GRIP1: variants seen among roughly 807,000 people sequenced by gnomAD.
GRIP1 encodes glutamate receptor interacting protein 1.
Under a neutral mutation model 129.9 loss-of-function variants are expected in GRIP1, and 45 were observed. The observed-to-expected ratio is 0.35, with a 90% CI of 0.27 to 0.44. GRIP1 has a LOEUF of 0.44. Ranked by LOEUF, GRIP1 falls within the 20% of genes least tolerant of loss-of-function variation. The pLI, the probability that GRIP1 is intolerant of heterozygous loss-of-function variation, is 1.00. For synonymous variants in GRIP1, 530 were observed against 520.8 expected, an observed-to-expected ratio of 1.02 and a Z score of -0.24; for missense variants, 1,196 against 1,396.8, an observed-to-expected ratio of 0.86 and a Z score of 2.29.
At chr12:66,597,672 G>A (rs190675198) in intron 1 of GRIP1, among the ~76,000 whole-genome samples, 12 of 152,312 alleles carry the variant, frequency 7.9e-5, no homozygotes, top group African/African-American at 2.9e-4. Context: ...ATGTATGTGT[G>A]AGAGTTAGGT....
intron 1 of GRIP1, among the ~76,000 whole-genome samples, chr12:66,907,473 TAC>T (rs757954742): frequency 8.2e-4 from 125 of 152,300 alleles, no homozygotes; most frequent in Admixed American, 2.4e-3. Context: ...AGGACTGGGT[TAC>T]ATTCAGCAAA....
chr12:66,931,899 T>C (rs2041401987), intron 1 of GRIP1, among the ~76,000 whole-genome samples: 1 of 152,220 alleles, frequency 6.6e-6, no homozygotes, highest in African/African-American at 2.4e-5. Flanking sequence ...CTATGGGTTA[T>C]GTGCCAATTT....
chr12:66,372,272 C>T (rs528172423), intron 22 of GRIP1: 2 of 375,554 alleles, frequency 5.3e-6, no homozygotes, highest in East Asian at 1.3e-4. Context: ...TGGGCTCTAA[C>T]AGATGGGATT....
At chr12:66,772,097 T>C (rs915211220) in intron 1 of GRIP1, among the ~76,000 whole-genome samples, 1 of 152,202 alleles carries the variant, frequency 6.6e-6, no homozygotes, top group Admixed American at 6.5e-5. Context: ...CCCCATGAGA[T>C]AGGTAAGATA....
At chr12:66,472,071 C>T (rs2059454408) in intron 7 of GRIP1, among the ~76,000 whole-genome samples, 1 of 152,188 alleles carries the variant, frequency 6.6e-6, no homozygotes, top group Admixed American at 6.5e-5. Flanking sequence ...GATCCATATG[C>T]TTTGGGCATC....
At chr12:66,804,217 G>A (rs774635156), upstream of GRIP1, 31 of 438,660 alleles carry the variant, frequency 7.1e-5, no homozygotes, top group South Asian at 4.7e-4. Context: ...GGCACAGCTA[G>A]CACAAGAGCA....
At chr12:66,804,297 G>T (rs534490425), upstream of GRIP1, 3 of 292,140 alleles carry the variant, frequency 1.0e-5, no homozygotes, top group South Asian at 9.2e-5. Context: ...GACCAGGACA[G>T]CTACCCTTCT....
At chr12:66,618,516 AATCT>A (rs1175354624) in intron 1 of GRIP1, among the ~76,000 whole-genome samples, 3 of 152,112 alleles carry the variant, frequency 2.0e-5, no homozygotes, top group African/African-American at 4.8e-5. Context: ...ACCTGCTTTG[AATCT>A]ATCTATTAAA....
intron 1 of GRIP1, among the ~76,000 whole-genome samples, chr12:66,743,321 C>G (rs1306557186): frequency 2.6e-5 from 4 of 152,030 alleles, no homozygotes; most frequent in South Asian, 4.2e-4. Flanking sequence ...CAACCTCCCC[C>G]AAAGTGGAAG....
At chr12:66,604,524 T>C (rs928423922) in intron 1 of GRIP1, among the ~76,000 whole-genome samples, 16 of 152,212 alleles carry the variant, frequency 1.1e-4, no homozygotes, top group Admixed American at 3.3e-4. Context: ...CCATATCAGA[T>C]CCCAATTAAA....
At chr12:66,598,709 T>A (rs2064155002) in intron 1 of GRIP1, among the ~76,000 whole-genome samples, 2 of 152,210 alleles carry the variant, frequency 1.3e-5, no homozygotes, top group South Asian at 4.1e-4. Flanking sequence ...AAAAATGTAT[T>A]TCCTTTCATT....
At chr12:66,804,030 G>A (rs564934473) in intron 1 of GRIP1, 4 of 439,328 alleles carry the variant, frequency 9.1e-6, no homozygotes, top group East Asian at 7.1e-5. Flanking sequence ...AGAAGGAACC[G>A]GAGGATGGAG....
chr12:66,997,987 T>C (rs1245405523), intron 1 of GRIP1, among the ~76,000 whole-genome samples: 1 of 152,180 alleles, frequency 6.6e-6, no homozygotes, highest in Non-Finnish European at 1.5e-5. Flanking sequence ...ATATCCATAA[T>C]TTGCAAAATT....
At chr12:67,051,517 C>G (rs147846594) in intron 1 of GRIP1, among the ~76,000 whole-genome samples, 1 of 152,270 alleles carries the variant, frequency 6.6e-6, no homozygotes, top group South Asian at 2.1e-4. Flanking sequence ...AAGCCATCAG[C>G]GAAGACCTCA....
intron 2 of GRIP1, among the ~76,000 whole-genome samples, chr12:66,586,115 T>C (rs1298453698): frequency 6.6e-6 from 1 of 152,136 alleles, no homozygotes; most frequent in Non-Finnish European, 1.5e-5. Context: ...ATAGAGAAAC[T>C]CTGTTTAGAG....
chr12:66,700,412 G>C (rs962660563), intron 1 of GRIP1, among the ~76,000 whole-genome samples: 4 of 151,888 alleles, frequency 2.6e-5, no homozygotes, highest in Admixed American at 2.0e-4. Context: ...CAGGTGATGG[G>C]AACCAGTGCC....
chr12:66,363,742 G>A (rs1303036583), intron 23 of GRIP1, among the ~76,000 whole-genome samples: 2 of 152,060 alleles, frequency 1.3e-5, no homozygotes, highest in African/African-American at 4.8e-5. Context: ...CACAGAAAGA[G>A]AAATACTGTA....
intron 1 of GRIP1, among the ~76,000 whole-genome samples, chr12:66,636,631 T>A (rs2031401340): frequency 6.6e-6 from 1 of 151,754 alleles, no homozygotes; most frequent in African/African-American, 2.4e-5. Context: ...AAGGAGCTGA[T>A]TAAGGTTAAA....
At chr12:66,787,310 CTG>C (rs2136829549) in intron 1 of GRIP1, among the ~76,000 whole-genome samples, 1 of 152,304 alleles carries the variant, frequency 6.6e-6, no homozygotes, top group Non-Finnish European at 1.5e-5. Flanking sequence ...TATTGCAAAA[CTG>C]TGGCTTAGCT....
Sources: allele counts gnomAD v4.1 joint callset (sites outside exome capture counted in the v4.1 genomes callset), GRCh38; gene constraint gnomAD v4.1.1; transcripts MANE v1.5; gene names NCBI Gene and HGNC (gene_info 2026-07-23, HGNC 2026-07-21).